The following ZC3H12C variants were observed in gnomAD, a reference collection of about 807,000 sequenced individuals.
The protein encoded by ZC3H12C is probable ribonuclease ZC3H12C.
Under a neutral mutation model 76.3 loss-of-function variants are expected in ZC3H12C, and 20 were observed. That is an observed-to-expected ratio of 0.26 (90% CI 0.18 to 0.38). The LOEUF (loss-of-function observed/expected upper bound fraction) is 0.38. Among genes scored for constraint, ZC3H12C ranks in the 10% least tolerant of loss-of-function variants. The pLI is 1.00. For missense variants in ZC3H12C, 874 were observed against 1,086.5 expected, an observed-to-expected ratio of 0.80 and a Z score of 2.75; for synonymous variants, 352 against 399.6, an observed-to-expected ratio of 0.88 and a Z score of 1.42.
Position 110,169,845 on chromosome 11 carries a change from C to T in ZC3H12C, c.*4108C>T, listed in dbSNP as rs1862644920. The T allele has an allele frequency of 1.3e-5, 2 of 152,200 alleles. No homozygotes were observed. 9.4% of individuals were successfully genotyped at this position (152,200 alleles called of 1,614,324 possible). ...GTAAATAATACAGGAATCATATGGACTTCAAATGCCATTGTAAAAACTACT... is the reference window on the plus strand; with the variant it reads ...GTAAATAATACAGGAATCATATGGATTTCAAATGCCATTGTAAAAACTACT... On this transcript the variant is annotated 3_prime_UTR_variant, in exon 6 of 6. Transcript: ENST00000278590.
At chr11:110,163,434 A>C (rs774241471) in intron 5 of ZC3H12C, 55 bp downstream of exon 5, 17 of 1,392,806 alleles carry the variant, frequency 1.2e-5, no homozygotes, top group Non-Finnish European at 1.7e-5. Flanking sequence ...TATATTATTA[A>C]ACTTTTGTTA....
chr11:110,156,630 T>A (rs1405303240), intron 3 of ZC3H12C, among the ~76,000 whole-genome samples: 1 of 152,204 alleles, frequency 6.6e-6, no homozygotes, highest in African/African-American at 2.4e-5. Context: ...CATAGATTAC[T>A]CATGAACATA....
chr11:110,158,485 G>A (rs893933269), intron 3 of ZC3H12C, among the ~76,000 whole-genome samples: 3 of 151,882 alleles, frequency 2.0e-5, no homozygotes, highest in African/African-American at 7.3e-5. Context: ...ACTCCAGCCT[G>A]GGCGATAGAC....
At chr11:110,108,309 A>G (rs1342835893) in intron 1 of ZC3H12C, among the ~76,000 whole-genome samples, 2 of 152,292 alleles carry the variant, frequency 1.3e-5, no homozygotes, top group East Asian at 3.9e-4. Context: ...GGCTCCTTAG[A>G]TATCTTTGCA....
At chr11:110,126,759 T>C (rs1861755966) in intron 1 of ZC3H12C, among the ~76,000 whole-genome samples, 2 of 152,172 alleles carry the variant, frequency 1.3e-5, no homozygotes, top group African/African-American at 4.8e-5. Context: ...TCATTGATTT[T>C]TGTTGTCTTC....
At chr11:110,124,547 G>T (rs986449255) in intron 1 of ZC3H12C, among the ~76,000 whole-genome samples, 5 of 152,164 alleles carry the variant, frequency 3.3e-5, no homozygotes, top group African/African-American at 4.8e-5. Context: ...GAAGGAATTG[G>T]AAAGCAATAA....
rs561825644 is a variant in ZC3H12C at position 110,125,598 on chromosome 11, G to A, written c.22-11065G>A. ...CTCCCGAAGTGCTGGGATTACAGGC[G>A]TGAGCCACCATGGCCAGCCTCTCTA... On this transcript the variant is annotated intron_variant, in intron 1 of 5. Coordinates refer to ENST00000278590, the MANE Select transcript of ZC3H12C (RefSeq NM_033390.2). Among the ~76,000 whole-genome samples, 12 of 152,254 alleles carry A rather than the reference G, an allele frequency of 7.9e-5. No individual in the cohort carries two copies. The South Asian group carries it at 8.3e-4, about 11-fold the overall frequency.
rs117865712 is a variant in ZC3H12C at position 110,163,087 on chromosome 11, A to G, written c.1149-186A>G. Among the ~76,000 whole-genome samples, 72 of 152,338 alleles carry G rather than the reference A, an allele frequency of 4.7e-4. 1 individual carries two copies. In the East Asian group the frequency reaches 0.013, roughly 27 times the overall value. On this transcript the variant is annotated intron_variant, in intron 4 of 5. Coordinates refer to ENST00000278590, the MANE Select transcript of ZC3H12C (RefSeq NM_033390.2). Reference sequence around the variant, plus strand: ...TACAATTTCAGCTCAAAACAGTTCAATTTTCATTAAGAAATGAGAACTTCA... The same window carrying G: ...TACAATTTCAGCTCAAAACAGTTCAGTTTTCATTAAGAAATGAGAACTTCA...
Position 110,093,399 on chromosome 11 carries a change from C to G in ZC3H12C, c.-13C>G, listed in dbSNP as rs1490016764. On this transcript the variant is annotated 5_prime_UTR_variant, in exon 1 of 6. Transcript: ENST00000278590. The stretch of plus-strand genomic sequence containing the variant: ...CCCCGCCGCCCGCTCGCCGCTTTCT[C>G]GCGGGGCTGGCTATGCCGGGTGGCG... 1 of 1,189,836 alleles carries G rather than the reference C, an allele frequency of 8.4e-7. No homozygotes were observed. The highest frequency in any genetic ancestry group is 1.6e-5 in the African/African-American group (1 of 61,672). 73.7% of individuals were successfully genotyped at this position (1,189,836 alleles called of 1,614,324 possible).
At chr11:110,115,748 C>CTTTTTTTTTTTTTTTT (rs71476067) in intron 1 of ZC3H12C, among the ~76,000 whole-genome samples, 1 of 120,320 alleles carries the variant, frequency 8.3e-6, no homozygotes, top group Non-Finnish European at 1.7e-5. Context: ...TTCTCATTTT[C>CTTTTTTTTTTTTTTTT]TTTTTTTTTT....
chr11:110,159,177 G>C, intron 3 of ZC3H12C, 79 bp from the exon 4 acceptor site: 1 of 1,102,870 alleles, frequency 9.1e-7, no homozygotes, highest in Non-Finnish European at 1.3e-6. Flanking sequence ...ATGTTTTAGA[G>C]TTTCACATTG....
intron 2 of ZC3H12C, among the ~76,000 whole-genome samples, chr11:110,151,866 T>C (rs2846615): frequency 0.69 from 104,736 of 151,996 alleles, 36,875 homozygotes; most frequent in South Asian, 0.79. Flanking sequence ...TCTATTTCTG[T>C]TTTTTACTAA....
chr11:110,111,818 C>T (rs1861435991), intron 1 of ZC3H12C, among the ~76,000 whole-genome samples: 1 of 151,264 alleles, frequency 6.6e-6, no homozygotes, highest in South Asian at 2.1e-4. Context: ...GCTGAGATTA[C>T]AGGCGTGAAC....
chr11:110,165,666 A>T lies in ZC3H12C; in HGVS notation c.2581A>T (p.Asn861Tyr), dbSNP rs770792136. 2 of 1,598,640 alleles carry T rather than the reference A, an allele frequency of 1.3e-6. No homozygotes were observed. The highest frequency in any genetic ancestry group is 8.5e-7 in the Non-Finnish European group (1 of 1,172,158). Residue 861 changes from asparagine (N) to tyrosine (Y), a missense_variant, in exon 6 of 6, where the codon AAT becomes TAT. Asn to Tyr is a moderately radical substitution (Grantham distance 143, BLOSUM62 -2). Around this residue, in one of 3 missense-constraint regions of ZC3H12C, gnomAD observed 395 missense variants for 434.4 expected, o/e 0.91. Transcript: ENST00000278590. ...PDLVRIVMKR[N>Y]PHMTDAQQLA... ...CCTTGTGAGAATTGTCATGAAAAGG[A>T]ATCCTCACATGACAGACGCCCAGCA...
At chr11:110,093,935 C>A (rs1425514032) in intron 1 of ZC3H12C, among the ~76,000 whole-genome samples, 1 of 152,106 alleles carries the variant, frequency 6.6e-6, no homozygotes, top group Non-Finnish European at 1.5e-5. Flanking sequence ...GCCAGCAACC[C>A]CAGGCCGAGC....
intron 1 of ZC3H12C, 75 bp from the exon 2 acceptor site, chr11:110,136,588 C>A: frequency 6.8e-7 from 1 of 1,479,300 alleles, no homozygotes; most frequent in East Asian, 2.3e-5. Context: ...TTGAGTAATT[C>A]TCTTCTGACT....
intron 2 of ZC3H12C, among the ~76,000 whole-genome samples, chr11:110,141,756 T>C (rs1021500567): frequency 1.3e-5 from 2 of 152,182 alleles, no homozygotes; most frequent in East Asian, 3.8e-4. Context: ...AAACTACATA[T>C]CACATTTCGG....
In ZC3H12C at chr11:110,165,161, C is replaced by G. The variant is rs1163990721; in HGVS notation, c.2076C>G (p.His692Gln). 10 of 1,613,732 alleles carry G rather than the reference C, an allele frequency of 6.2e-6. No homozygotes were observed. The highest frequency in any genetic ancestry group is 7.6e-6 in the Non-Finnish European group (9 of 1,179,900). Residue 692 changes from histidine to glutamine, a missense_variant, in exon 6 of 6, where the codon CAC (histidine) becomes CAG (glutamine). Physicochemically the swap from His to Gln is conservative, Grantham distance 24. Transcript: ENST00000278590. ...TAACCAGAGGGCAAAGTTACAGTCA[C>G]GAAGAACCAAAGTTCCATCACAAGC... Reference protein sequence around the residue: ...DPLTRGQSYSHEEPKFHHKPP... With the variant: ...DPLTRGQSYSQEEPKFHHKPP...
intron 1 of ZC3H12C, among the ~76,000 whole-genome samples, chr11:110,115,111 T>G (rs1039783919): frequency 7.2e-5 from 11 of 151,978 alleles, no homozygotes; most frequent in African/African-American, 2.7e-4. Context: ...TTTTATGTAT[T>G]TATTTATTTT....
Sources: gnomAD v4.1 joint callset for allele counts (sites outside exome capture counted in the v4.1 genomes callset) on GRCh38, gnomAD v4.1.1 for gene constraint, gnomAD v4.1.1 regional missense constraint, MANE v1.5 for transcripts, NCBI Gene and HGNC (gene_info 2026-07-23, HGNC 2026-07-21) for gene names.